TSPYL4: variants seen among roughly 807,000 people sequenced by gnomAD.
TSPYL4 encodes the protein testis-specific Y-encoded-like protein 4.
In TSPYL4, 22 loss-of-function variants were observed where a neutral mutation model predicts 24.2. The ratio of observed to expected loss-of-function variants is 0.91; its 90% CI spans 0.65 to 1.30. The LOEUF (loss-of-function observed/expected upper bound fraction) is 1.30. TSPYL4 is among the 50% of genes most tolerant of loss of function. The probability of loss-of-function intolerance (pLI) is 0.00; values close to 1 mark genes in which losing one functional copy is unlikely to be tolerated. For missense variants in TSPYL4, 569 were observed against 536.7 expected (o/e 1.06, Z -0.60); for synonymous variants, 211 against 208.2 (o/e 1.01, Z -0.12).
chr6:116,253,540 G>T lies in TSPYL4; in HGVS notation c.469C>A (p.Arg157Ser), dbSNP rs182432245. Residue 157 changes from arginine (R) to serine (S), a missense_variant, in exon 1 of 1, where the codon CGC becomes AGC. Transcript: ENST00000420283. This position sits in a 1 kb window ranked among gnomAD's most constrained non-coding sequence, Gnocchi z 4.3. ...KKAKEVTTKK[R>S]AISAAVEKEG... ...TTTTCCACTGCTGCCGAGATGGCGC[G>T]TTTTTTAGTCGTCACTTCCTTGGCC... 1.7e-3 allele frequency: 2,677 copies of T among 1,551,786 alleles called. 17 individuals are homozygous for T. Among genetic ancestry groups the T allele is most frequent in the South Asian group, 0.012 (1,037 of 84,054 alleles).
In TSPYL4 at chr6:116,250,532, G is replaced by A. The variant is rs3749893; in HGVS notation, c.*2232C>T. The A allele has an allele frequency of 0.33, 50,012 of 152,228 alleles. 9,410 individuals carry two copies. The highest frequency in any genetic ancestry group is 0.66 in the East Asian group (3,411 of 5,168). The allele number at this position is 152,228 out of a possible 1,614,324, so 9.4% of individuals were successfully genotyped here. A position where few individuals can be genotyped will look rare whatever the true frequency, so the allele number is the denominator to read the frequency against. On this transcript the variant is annotated 3_prime_UTR_variant, in exon 1 of 1. Transcript: ENST00000420283. ...CCTAGGATAATTGAGAGAAAACATC[G>A]ACTTACATTTTGTTTACAAAAATCT...
chr6:116,252,974 G>A lies in TSPYL4; in HGVS notation c.1035C>T (p.Asn345=). Residue 345 remains asparagine, a synonymous_variant, in exon 1 of 1, where the codon AAC becomes AAT. Transcript: ENST00000420283. ...AACTAGGGATAGTGTTCCCTTCCCG[G>A]TTTCTGTGGATATGAGCCTGGGGGT... ...GQDPQAHIHR[N]REGNTIPSFF... 6.2e-7 allele frequency: 1 copy of A among 1,614,148 alleles called. No homozygotes were observed. The highest frequency in any genetic ancestry group is 8.5e-7 in the Non-Finnish European group (1 of 1,180,006).
chr6:116,251,141 G>A lies in TSPYL4; in HGVS notation c.*1623C>T, dbSNP rs1473310100. 1 of 398,624 alleles carries A rather than the reference G, an allele frequency of 2.5e-6. No homozygotes were observed. The highest frequency in any genetic ancestry group is 4.4e-6 in the Non-Finnish European group (1 of 226,082). 24.7% of individuals were successfully genotyped at this position (398,624 alleles called of 1,614,324 possible). A position where few individuals can be genotyped will look rare whatever the true frequency, so the allele number is the denominator to read the frequency against. ...AAACAAAATAGTACAAAGGAGAAGA[G>A]TGACCTACAAAATGCTACCCTAGAA... On this transcript the variant is annotated 3_prime_UTR_variant, in exon 1 of 1. Coordinates refer to ENST00000420283, the MANE Select transcript of TSPYL4 (RefSeq NM_021648.5).
In TSPYL4 at chr6:116,253,554, A is replaced by C; in HGVS notation, c.455T>G (p.Val152Gly). 6.4e-7 allele frequency: 1 copy of C among 1,551,200 alleles called. No individual in the cohort carries two copies. Among genetic ancestry groups the C allele is most frequent in the Non-Finnish European group, 8.7e-7 (1 of 1,146,876 alleles). ...CGAGATGGCGCGTTTTTTAGTCGTC[A>C]CTTCCTTGGCCTTCTTCCCCGGTAT... is the stretch of plus-strand genomic sequence containing the variant. ...QMIPGKKAKE[V>G]TTKKRAISAA... is the part of the protein sequence containing the mutation. Residue 152 changes from valine (V) to glycine (G), a missense_variant, in exon 1 of 1, where the codon GTG becomes GGG. Transcript: ENST00000420283. The surrounding 1 kb of genome is among the most constrained non-coding windows in gnomAD (Gnocchi z 4.3).
rs1771977847 is a variant in TSPYL4, at chr6:116,252,873, G to A, written c.1136C>T (p.Pro379Leu). The A allele has an allele frequency of 1.2e-6, 2 of 1,604,802 alleles. No individual in the cohort carries two copies. Among genetic ancestry groups the A allele is most frequent in the Non-Finnish European group, 1.7e-6 (2 of 1,175,202 alleles). Residue 379 changes from proline (P) to leucine (L), a missense_variant, in exon 1 of 1, where the codon CCC (proline) becomes CTC (leucine). Pro to Leu is a moderately conservative substitution (Grantham distance 98). Coordinates refer to ENST00000420283, the MANE Select transcript of TSPYL4 (RefSeq NM_021648.5). ...CATCAGGTAGTATTGTAGGGGATTG[G>A]GCCACAGTTCTCCTTTGATAATCTC... is the stretch of plus-strand genomic sequence containing the variant. ...IAEIIKGELW[P>L]NPLQYYLMGE...
Position 116,251,664 on chromosome 6 carries a change from GAGGA to G in TSPYL4, c.*1096_*1099del, listed in dbSNP as rs1329391858. 2 of 155,036 alleles carry G rather than the reference GAGGA, an allele frequency of 1.3e-5. No homozygotes were observed. The highest frequency in any genetic ancestry group is 2.8e-5 in the Non-Finnish European group (2 of 70,724). 9.6% of individuals were successfully genotyped at this position (155,036 alleles called of 1,614,324 possible). On this transcript the variant is annotated 3_prime_UTR_variant, in exon 1 of 1. Transcript: ENST00000420283. ...AGGGAGAGGGGGAGGGAGAGGGGAGGAGGAGGGAGAGAAAGAGACAGAGGCATAA... is the reference window on the plus strand; with the variant it reads ...AGGGAGAGGGGGAGGGAGAGGGGAGGGGGAGAGAAAGAGACAGAGGCATAA...
rs1360747252 is a variant in TSPYL4, at chr6:116,253,757, T to G, written c.252A>C (p.Ala84=). 2 of 1,595,612 alleles carry G rather than the reference T, an allele frequency of 1.3e-6. No homozygotes were observed. The highest frequency in any genetic ancestry group is 1.7e-6 in the Non-Finnish European group (2 of 1,170,228). Residue 84 remains alanine (A), a synonymous_variant, in exon 1 of 1, where the codon GCA becomes GCC. Coordinates refer to ENST00000420283, the MANE Select transcript of TSPYL4 (RefSeq NM_021648.5). This position sits in a 1 kb window ranked among gnomAD's most constrained non-coding sequence, Gnocchi z 4.3. The part of the protein sequence containing the change: ...RVPVAGSRGG[A]ATKAGQEDAP... ...CATCCTCCTGCCCGGCTTTGGTCGC[T>G]GCACCGCCGCGACTCCCGGCAACTG...
At position 116,251,030 on chromosome 6, in the gene TSPYL4, G is replaced by T. The variant is rs142248072; in HGVS notation, c.*1734C>A. 337 of 394,970 alleles carry T rather than the reference G, an allele frequency of 8.5e-4. 3 individuals carry two copies. Among genetic ancestry groups the T allele is most frequent in the African/African-American group, 6.2e-3 (301 of 48,680 alleles). 24.5% of individuals were successfully genotyped at this position (394,970 alleles called of 1,614,324 possible). On this transcript the variant is annotated 3_prime_UTR_variant, in exon 1 of 1. Transcript: ENST00000420283. ...CTGCAGCCTGCTTCTTCATTTGTTAGGAGCAGGGAAGGAAATGCAGAAGCT... is the reference window on the plus strand; with the variant it reads ...CTGCAGCCTGCTTCTTCATTTGTTATGAGCAGGGAAGGAAATGCAGAAGCT...
rs995352459 is a variant in TSPYL4 at position 116,252,658 on chromosome 6, A to C, written c.*106T>G. On this transcript the variant is annotated 3_prime_UTR_variant, in exon 1 of 1. Coordinates refer to ENST00000420283, the MANE Select transcript of TSPYL4 (RefSeq NM_021648.5). ...TTAGAACCAAAGGAAAAGATAATCC[A>C]CAGTATGAAGAGAAAGCAGATGGAA... The C allele has an allele frequency of 1.5e-6, 2 of 1,314,284 alleles. No homozygotes were observed. Among genetic ancestry groups the C allele is most frequent in the African/African-American group, 3.0e-5 (2 of 67,298 alleles). The allele number at this position is 1,314,284 out of a possible 1,614,324, so 81.4% of individuals were successfully genotyped here. A position where few individuals can be genotyped will look rare whatever the true frequency, so the allele number is the denominator to read the frequency against.
rs1352205978 is a variant in TSPYL4, at chr6:116,250,222, T to C, written c.*2542A>G. 1 of 152,616 alleles carries C rather than the reference T, an allele frequency of 6.6e-6. No individual in the cohort carries two copies. The highest frequency in any genetic ancestry group is 6.5e-5 in the Admixed American group (1 of 15,282). 9.5% of individuals were successfully genotyped at this position (152,616 alleles called of 1,614,324 possible). ...AGACATAGCTATAATTTGTAAAATA[T>C]TCAGACTATTGAAAGATCACATTCA... On this transcript the variant is annotated 3_prime_UTR_variant, in exon 1 of 1. Coordinates refer to ENST00000420283, the MANE Select transcript of TSPYL4 (RefSeq NM_021648.5).
Position 116,251,887 on chromosome 6 carries a change from T to C in TSPYL4, c.*877A>G, listed in dbSNP as rs369767600. The C allele has an allele frequency of 5.3e-5, 8 of 152,352 alleles. 1 individual carries two copies. The East Asian group carries it at 1.5e-3, about 29-fold the overall frequency. The allele number at this position is 152,352 out of a possible 1,614,324, so 9.4% of individuals were successfully genotyped here. ...CGTTCCAGCCTTGCTTTGGGCTCTGTCACATATTACTGCCCATCCTGGTGG... is the reference window on the plus strand; with the variant it reads ...CGTTCCAGCCTTGCTTTGGGCTCTGCCACATATTACTGCCCATCCTGGTGG... On this transcript the variant is annotated 3_prime_UTR_variant, in exon 1 of 1. Coordinates refer to ENST00000420283, the MANE Select transcript of TSPYL4 (RefSeq NM_021648.5).
rs377574219 is a variant in TSPYL4 at position 116,251,019 on chromosome 6, TTCA to T, written c.*1742_*1744del. 1.0e-5 allele frequency: 4 copies of T among 393,990 alleles called. No individual in the cohort carries two copies. The highest frequency in any genetic ancestry group is 8.2e-5 in the African/African-American group (4 of 48,548). 24.4% of individuals were successfully genotyped at this position (393,990 alleles called of 1,614,324 possible). On this transcript the variant is annotated 3_prime_UTR_variant, in exon 1 of 1. Coordinates refer to ENST00000420283, the MANE Select transcript of TSPYL4 (RefSeq NM_021648.5). ...CACAATGCAGGCTGCAGCCTGCTTC[TTCA>T]TTTGTTAGGAGCAGGGAAGGAAATG...
rs1771952852 is a variant in TSPYL4 at position 116,251,654 on chromosome 6, G to A, written c.*1110C>T. 6.9e-6 allele frequency: 1 copy of A among 145,006 alleles called. No individual in the cohort carries two copies. The highest frequency in any genetic ancestry group is 2.6e-5 in the African/African-American group (1 of 39,166). 9.0% of individuals were successfully genotyped at this position (145,006 alleles called of 1,614,324 possible). A position where few individuals can be genotyped will look rare whatever the true frequency, so the allele number is the denominator to read the frequency against. ...AAGGGATGGGAGGGAGAGGGGGAGG[G>A]AGAGGGGAGGAGGAGGGAGAGAAAG... On this transcript the variant is annotated 3_prime_UTR_variant, in exon 1 of 1. Transcript: ENST00000420283.
Position 116,253,762 on chromosome 6 carries a change from C to G in TSPYL4, c.247G>C (p.Gly83Arg), listed in dbSNP as rs770330799. Residue 83 changes from glycine (G) to arginine (R), a missense_variant, in exon 1 of 1, where the codon GGT becomes CGT. Physicochemically the swap from Gly to Arg is moderately radical, Grantham distance 125. Transcript: ENST00000420283. This position sits in a 1 kb window ranked among gnomAD's most constrained non-coding sequence, Gnocchi z 4.3. ...LRVPVAGSRG[G>R]AATKAGQEDA... is the part of the protein sequence containing the mutation. ...TCCTGCCCGGCTTTGGTCGCTGCAC[C>G]GCCGCGACTCCCGGCAACTGGGACG... 9 of 1,597,688 alleles carry G rather than the reference C, an allele frequency of 5.6e-6. No homozygotes were observed. The East Asian group carries it at 1.6e-4, about 28-fold the overall frequency.
Position 116,252,815 on chromosome 6 carries a change from T to TG in TSPYL4, c.1193dup (p.Pro399ThrfsTer22). 6.3e-7 allele frequency: 1 copy of TG among 1,598,688 alleles called. No homozygotes were observed. Among genetic ancestry groups the TG allele is most frequent in the Non-Finnish European group, 8.5e-7 (1 of 1,171,998 alleles). ...TGGCGCTCTCCACTGGCTGCCTTGG[T>TG]GGGCCTCGAATTCCTCTACGGGGCC... On this transcript the variant is annotated frameshift_variant, in exon 1 of 1. Transcript: ENST00000420283. LOFTEE classifies it high-confidence loss of function.
In TSPYL4 at chr6:116,253,967, T is replaced by G; in HGVS notation, c.42A>C (p.Gln14His). ...GGTCGGGAGCAGCCAGGCCGCCGGT[T>G]TGGGCGAGAGGGAGCTTGTTGCCCC... ...LDGGNKLPLA[Q>H]TGGLAAPDHA... Residue 14 changes from glutamine (Q) to histidine (H), a missense_variant, in exon 1 of 1, where the codon CAA becomes CAC. By Grantham distance (24) the Gln-to-His change is conservative. Transcript: ENST00000420283. This position sits in a 1 kb window ranked among gnomAD's most constrained non-coding sequence, Gnocchi z 4.3. The G allele has an allele frequency of 6.2e-7, 1 of 1,601,438 alleles. No homozygotes were observed. The highest frequency in any genetic ancestry group is 1.1e-5 in the South Asian group (1 of 89,462).
At position 116,253,714 on chromosome 6, in the gene TSPYL4, C is replaced by A. The variant is rs747256940; in HGVS notation, c.295G>T (p.Gly99Cys). ...TCGGCGGCAGAGGCTGCTTCCAGAC[C>A]TTTCGTAGAAGGTGGAGCATCCTCC... is the stretch of plus-strand genomic sequence containing the variant. ...GQEDAPPSTKGLEAASAAEAA... is the reference protein window; with the variant it reads ...GQEDAPPSTKCLEAASAAEAA... The change falls in exon 1 of 1, where the codon GGT becomes TGT. Residue 99 changes from glycine (G) to cysteine (C), a missense_variant. By Grantham distance (159) the Gly-to-Cys change is radical. Coordinates refer to ENST00000420283, the MANE Select transcript of TSPYL4 (RefSeq NM_021648.5). The surrounding 1 kb of genome is among the most constrained non-coding windows in gnomAD (Gnocchi z 4.3). The A allele has an allele frequency of 1.0e-5, 16 of 1,571,302 alleles. No individual in the cohort carries two copies. The South Asian group carries it at 1.9e-4, about 18-fold the overall frequency.
Position 116,251,673 on chromosome 6 carries a change from GAGAA to G in TSPYL4, c.*1087_*1090del, listed in dbSNP as rs1169624932. 1.3e-5 allele frequency: 2 copies of G among 155,436 alleles called. No individual in the cohort carries two copies. Among genetic ancestry groups the G allele is most frequent in the African/African-American group, 4.8e-5 (2 of 41,492 alleles). 9.6% of individuals were successfully genotyped at this position (155,436 alleles called of 1,614,324 possible). ...GGGAGGGAGAGGGGAGGAGGAGGGA[GAGAA>G]AGAGACAGAGGCATAACAAGTCTCA... On this transcript the variant is annotated 3_prime_UTR_variant, in exon 1 of 1. Coordinates refer to ENST00000420283, the MANE Select transcript of TSPYL4 (RefSeq NM_021648.5).
chr6:116,252,485 T>G lies in TSPYL4; in HGVS notation c.*279A>C. 4.9e-6 allele frequency: 2 copies of G among 409,258 alleles called. No homozygotes were observed. The highest frequency in any genetic ancestry group is 8.7e-6 in the Non-Finnish European group (2 of 229,000). 25.4% of individuals were successfully genotyped at this position (409,258 alleles called of 1,614,324 possible). A position where few individuals can be genotyped will look rare whatever the true frequency, so the allele number is the denominator to read the frequency against. On this transcript the variant is annotated 3_prime_UTR_variant, in exon 1 of 1. Transcript: ENST00000420283. ...TGCAAAGAAAGGCAGTATGGTACAC[T>G]ATATCTATAGTATCATACGCTTGGC...
Sources: allele counts gnomAD v4.1 joint callset, GRCh38; gene constraint gnomAD v4.1.1; non-coding constraint Gnocchi (gnomAD v3.1); transcripts MANE v1.5; gene names NCBI Gene and HGNC (gene_info 2026-07-23, HGNC 2026-07-21).